IPCEF1: variants seen among roughly 807,000 people sequenced by gnomAD.
The protein encoded by IPCEF1 is interactor protein for cytohesin exchange factors 1.
A neutral mutation model predicts 50.9 loss-of-function variants in IPCEF1; 31 were observed. That is an observed-to-expected ratio of 0.61 (90% confidence interval 0.46 to 0.82). The LOEUF (loss-of-function observed/expected upper bound fraction) is 0.82, where lower values mean the gene tolerates loss of function less well. Among genes scored for constraint, IPCEF1 ranks in the 40% least tolerant of loss-of-function variants. The pLI is 0.00. For missense variants in IPCEF1, 458 were observed against 514.0 expected, an observed-to-expected ratio of 0.89 and a Z score of 1.05; for synonymous variants, 181 against 192.0, an observed-to-expected ratio of 0.94 and a Z score of 0.47.
intron 1 of IPCEF1, among the ~76,000 whole-genome samples, chr6:154,347,822 G>C (rs1459288584): frequency 1.3e-5 from 2 of 152,162 alleles, no homozygotes; most frequent in Non-Finnish European, 2.9e-5. Flanking sequence ...GTGAGCTCGT[G>C]GGGAGTGGAC....
intron 2 of IPCEF1, among the ~76,000 whole-genome samples, chr6:154,285,578 A>T (rs1483009466): frequency 6.6e-6 from 1 of 152,220 alleles, no homozygotes; most frequent in Non-Finnish European, 1.5e-5. Context: ...TTCTGTTTTC[A>T]AGGAATAATC....
At position 154,246,550 on chromosome 6, in the gene IPCEF1, C is replaced by T. The variant is rs767066783; in HGVS notation, c.246+41G>A. The T allele has an allele frequency of 5.7e-6, 9 of 1,577,014 alleles. No individual in the cohort carries two copies. The East Asian group carries it at 1.8e-4, about 31-fold the overall frequency. ...CACCTGATGCCTTTAACGTATCCCTCATTAAAACGGCTGGGAATAGGAGGA... is the reference window on the plus strand; with the variant it reads ...CACCTGATGCCTTTAACGTATCCCTTATTAAAACGGCTGGGAATAGGAGGA... On this transcript the variant is annotated intron_variant, in intron 5 of 11. Transcript: ENST00000367220.
chr6:154,193,155 G>A lies in IPCEF1; in HGVS notation c.910+6513C>T, dbSNP rs145784585. Among the ~76,000 whole-genome samples, 375 of 152,126 alleles carry A rather than the reference G, an allele frequency of 2.5e-3. 10 individuals are homozygous for A. The East Asian group carries it at 0.06, about 25-fold the overall frequency. On this transcript the variant is annotated intron_variant, in intron 10 of 11. Coordinates refer to ENST00000367220, the MANE Select transcript of IPCEF1 (RefSeq NM_001130700.2). ...GTCAACAAGTGGATAAAGAAACTGTGGTACATATATACCATAGAATACTAC... is the reference window on the plus strand; with the variant it reads ...GTCAACAAGTGGATAAAGAAACTGTAGTACATATATACCATAGAATACTAC...
At chr6:154,266,585 T>TATACAC (rs71021035) in intron 2 of IPCEF1, among the ~76,000 whole-genome samples, 1 of 135,688 alleles carries the variant, frequency 7.4e-6, no homozygotes, top group Admixed American at 7.5e-5. Context: ...TATATATATA[T>TATACAC]ACACACAAAC....
At chr6:154,180,218 C>T (rs1022984904) in intron 10 of IPCEF1, among the ~76,000 whole-genome samples, 4 of 151,852 alleles carry the variant, frequency 2.6e-5, no homozygotes, top group East Asian at 1.9e-4. Context: ...TGAGTTGGTG[C>T]GAATTTGGGT....
At chr6:154,319,169 C>G (rs1783308891) in intron 1 of IPCEF1, among the ~76,000 whole-genome samples, 1 of 152,072 alleles carries the variant, frequency 6.6e-6, no homozygotes, top group South Asian at 2.1e-4. Context: ...TTTCCCTTCC[C>G]TCCCCTTACC....
rs533499623 is a variant in IPCEF1 at position 154,203,795 on chromosome 6, T to C, written c.538-3755A>G. On this transcript the variant is annotated intron_variant, in intron 9 of 11. Coordinates refer to ENST00000367220, the MANE Select transcript of IPCEF1 (RefSeq NM_001130700.2). Reference sequence around the variant, plus strand: ...TGTTTGACACATAATTGGTGACAAATTAATGACAAAGAATTGGCCAGAACC... The same window carrying C: ...TGTTTGACACATAATTGGTGACAAACTAATGACAAAGAATTGGCCAGAACC... 4.6e-5 allele frequency among the ~76,000 whole-genome samples: 7 copies of C among 152,254 alleles called. No homozygotes were observed. The South Asian group carries it at 1.5e-3, about 32-fold the overall frequency.
intron 5 of IPCEF1, among the ~76,000 whole-genome samples, chr6:154,235,540 A>AT (rs1461147342): frequency 1.3e-5 from 2 of 149,486 alleles, no homozygotes; most frequent in East Asian, 5.0e-4. Context: ...ACAAAAAAAA[A>AT]AAAAAAAAAA....
At chr6:154,195,917 G>A (rs1776582977) in intron 10 of IPCEF1, among the ~76,000 whole-genome samples, 1 of 151,242 alleles carries the variant, frequency 6.6e-6, no homozygotes, top group African/African-American at 2.4e-5. Flanking sequence ...TCAGCCTCTA[G>A]AGTAGCTGGG....
chr6:154,244,913 T>C (rs1583893875), intron 5 of IPCEF1, among the ~76,000 whole-genome samples: 4 of 152,314 alleles, frequency 2.6e-5, no homozygotes, highest in South Asian at 4.1e-4. Context: ...CCCTGACCAC[T>C]ATTAAAAGGT....
chr6:154,284,838 A>G (rs1254037056), intron 2 of IPCEF1, among the ~76,000 whole-genome samples: 2 of 152,270 alleles, frequency 1.3e-5, no homozygotes, highest in African/African-American at 4.8e-5. Context: ...CGTCTCTACT[A>G]AAAATACAAA....
At chr6:154,261,803 G>C (rs190101616) in intron 3 of IPCEF1, among the ~76,000 whole-genome samples, 1 of 152,148 alleles carries the variant, frequency 6.6e-6, no homozygotes, top group African/African-American at 2.4e-5. Flanking sequence ...GGACCTTAAA[G>C]GTATATTCCT....
intron 3 of IPCEF1, among the ~76,000 whole-genome samples, chr6:154,253,891 T>TA: frequency 6.6e-6 from 1 of 152,302 alleles, no homozygotes. Flanking sequence ...TTTAAATTTT[T>TA]AAAAAAATTA....
chr6:154,289,321 A>C (rs1178587028), intron 2 of IPCEF1, among the ~76,000 whole-genome samples: 1 of 151,834 alleles, frequency 6.6e-6, no homozygotes, highest in Non-Finnish European at 1.5e-5. Flanking sequence ...TAAATCAGTA[A>C]GTACTCCATT....
intron 9 of IPCEF1, among the ~76,000 whole-genome samples, chr6:154,210,205 T>G (rs1562543111): frequency 6.6e-6 from 1 of 152,234 alleles, no homozygotes; most frequent in African/African-American, 2.4e-5. Context: ...TTCACCAGTG[T>G]GTTCTAGATG....
intron 2 of IPCEF1, among the ~76,000 whole-genome samples, chr6:154,276,909 T>C (rs985325941): frequency 6.6e-6 from 1 of 152,316 alleles, no homozygotes; most frequent in Admixed American, 6.5e-5. Context: ...ATTTACCAAA[T>C]TTAGACAATT....
At chr6:154,340,761 T>C (rs997036128) in intron 1 of IPCEF1, among the ~76,000 whole-genome samples, 3 of 151,780 alleles carry the variant, frequency 2.0e-5, no homozygotes, top group Admixed American at 6.6e-5. Flanking sequence ...GGCACATACC[T>C]GTAATCCCAG....
At chr6:154,237,970 G>A (rs78266930) in intron 5 of IPCEF1, among the ~76,000 whole-genome samples, 1,943 of 151,974 alleles carry the variant, frequency 0.013, 48 homozygotes, top group African/African-American at 0.043. Flanking sequence ...TCCTGTTAAC[G>A]ATTTTAAACG....
chr6:154,248,592 A>G (rs1417378545), intron 3 of IPCEF1, among the ~76,000 whole-genome samples: 1 of 152,136 alleles, frequency 6.6e-6, no homozygotes, highest in Non-Finnish European at 1.5e-5. Flanking sequence ...TAGCTATTGT[A>G]TATGGTTCTA....
Sources: gnomAD v4.1 joint callset for allele counts (sites outside exome capture counted in the v4.1 genomes callset) on GRCh38, gnomAD v4.1.1 for gene constraint, MANE v1.5 for transcripts, NCBI Gene and HGNC (gene_info 2026-07-23, HGNC 2026-07-21) for gene names.